WDHD1: variants seen among roughly 807,000 people sequenced by gnomAD.
WDHD1 encodes WD repeat and HMG-box DNA-binding protein 1.
A neutral mutation model predicts 135.4 loss-of-function variants in WDHD1; 111 were observed. The ratio of observed to expected loss-of-function variants is 0.82; its 90% CI spans 0.70 to 0.96. WDHD1 has a LOEUF of 0.96. Among genes scored for constraint, WDHD1 ranks in the 40% least tolerant of loss-of-function variants. The pLI is 0.00. For synonymous variants in WDHD1, 434 were observed against 439.0 expected (o/e 0.99, Z 0.14); for missense variants, 1,351 against 1,336.3 (o/e 1.01, Z -0.17).
intron 10 of WDHD1, among the ~76,000 whole-genome samples, chr14:54,999,051 TAAG>T (rs1371235608): frequency 1.3e-5 from 2 of 152,210 alleles, no homozygotes; most frequent in Non-Finnish European, 2.9e-5. Context: ...TCCCTGGAGT[TAAG>T]AAACTCTCTC....
Position 54,981,633 on chromosome 14 carries a change from G to C in WDHD1, c.1970C>G (p.Thr657Arg), listed in dbSNP as rs772366370. The change falls in exon 16 of 26, where the codon ACG becomes AGG. Residue 657 changes from threonine (T) to arginine (R), a missense_variant. This residue lies in a region of WDHD1 where 1,330 missense variants were observed against 1,296.1 expected (regional missense o/e 1.03). Transcript: ENST00000360586. ...TCTTGTATTACATATAGGAGTCCACGTATTACCAAGTCCTCTGTTAAGCAT... is the reference window on the plus strand; with the variant it reads ...TCTTGTATTACATATAGGAGTCCACCTATTACCAAGTCCTCTGTTAAGCAT... ...VRMLNRGLGN[T>R]WTPICNTREH... The C allele has an allele frequency of 5.0e-6, 8 of 1,610,624 alleles. No individual in the cohort carries two copies. The highest frequency in any genetic ancestry group is 6.8e-6 in the Non-Finnish European group (8 of 1,177,100).
At chr14:55,011,861 T>C (rs933226533) in intron 3 of WDHD1, among the ~76,000 whole-genome samples, 3 of 152,164 alleles carry the variant, frequency 2.0e-5, no homozygotes, top group Admixed American at 6.5e-5. Context: ...AACTTCTCAA[T>C]TGAAAGACCC....
chr14:54,959,924 G>A (rs570289072), intron 21 of WDHD1, among the ~76,000 whole-genome samples: 4 of 152,236 alleles, frequency 2.6e-5, no homozygotes, highest in South Asian at 2.1e-4. Context: ...AGCCCCTTGC[G>A]GTTTGGTGCC....
intron 24 of WDHD1, among the ~76,000 whole-genome samples, chr14:54,950,830 A>C (rs2041037423): frequency 6.6e-6 from 1 of 152,228 alleles, no homozygotes; most frequent in Non-Finnish European, 1.5e-5. Context: ...ACTAGAACTC[A>C]GCATTAGGAA....
At chr14:54,995,091 C>T (rs2041855205) in intron 11 of WDHD1, among the ~76,000 whole-genome samples, 1 of 152,142 alleles carries the variant, frequency 6.6e-6, no homozygotes, top group Admixed American at 6.5e-5. Context: ...AAGTGAGTTT[C>T]CTGCCTCAGT....
chr14:54,991,445 G>A (rs369355154), intron 11 of WDHD1, 45 bp from the exon 12 acceptor site: 1 of 1,558,946 alleles, frequency 6.4e-7, no homozygotes, highest in African/African-American at 1.4e-5. Context: ...GAATACCAAT[G>A]ATTTGGAAAA....
At chr14:54,944,589 C>A in intron 24 of WDHD1, 119 bp from the exon 25 acceptor site, 24 of 735,380 alleles carry the variant, frequency 3.3e-5, no homozygotes, top group African/African-American at 3.8e-5. Flanking sequence ...GTAAGGAAGA[C>A]ACAGTTACAC....
intron 11 of WDHD1, among the ~76,000 whole-genome samples, chr14:54,991,647 C>T (rs1453321401): frequency 6.6e-6 from 1 of 152,146 alleles, no homozygotes; most frequent in African/African-American, 2.4e-5. Flanking sequence ...TTGTTAACCA[C>T]TACTCACTTG....
At chr14:54,952,780 C>T (rs144685967) in intron 24 of WDHD1, among the ~76,000 whole-genome samples, 10 of 152,076 alleles carry the variant, frequency 6.6e-5, no homozygotes, top group Non-Finnish European at 1.5e-4. Flanking sequence ...AACAGAGATA[C>T]AGACCAATGG....
intron 23 of WDHD1, among the ~76,000 whole-genome samples, chr14:54,956,680 C>T (rs1288469335): frequency 6.6e-6 from 1 of 152,092 alleles, no homozygotes; most frequent in African/African-American, 2.4e-5. Context: ...TCTTGGAAGT[C>T]AGAATCTGCT....
chr14:54,944,564 C>A, intron 24 of WDHD1, 94 bp from the exon 25 acceptor site: 24 of 1,032,680 alleles, frequency 2.3e-5, no homozygotes, highest in Middle Eastern at 3.7e-4. Context: ...AAGTCTCTGA[C>A]ATCTATTATA....
intron 11 of WDHD1, among the ~76,000 whole-genome samples, 154 bp downstream of exon 11, chr14:54,995,449 A>C: frequency 6.6e-6 from 1 of 152,132 alleles, no homozygotes; most frequent in Non-Finnish European, 1.5e-5. Context: ...ATAGATTTGA[A>C]ACCTTTTTTA....
chr14:54,955,632 T>C lies in WDHD1; in HGVS notation c.2979A>G (p.Lys993=), dbSNP rs1269107279. The change falls in exon 24 of 26, where the codon AAA becomes AAG. Residue 993 remains lysine, a synonymous_variant. Transcript: ENST00000360586. ...NSQTNKTEEV[K]EENLKNVLSE... ...ATAATACATTTTTAAGATTTTCTTC[T>C]TTCACTTCCTCAGTTTTATTAGTTT... is the stretch of plus-strand genomic sequence containing the variant. 1.3e-6 allele frequency: 2 copies of C among 1,592,740 alleles called. No homozygotes were observed. The highest frequency in any genetic ancestry group is 1.7e-6 in the Non-Finnish European group (2 of 1,172,294).
intron 14 of WDHD1, 83 bp downstream of exon 14, chr14:54,987,063 G>A (rs2041705382): frequency 2.6e-6 from 4 of 1,514,554 alleles, no homozygotes; most frequent in South Asian, 2.5e-5. Flanking sequence ...TATAATCCAA[G>A]ACAAAAAGAG....
rs1360856370 is a variant in WDHD1, at chr14:54,995,564, A to C, written c.1153+39T>G. 3.4e-6 allele frequency: 5 copies of C among 1,460,338 alleles called. 1 individual carries two copies. Among genetic ancestry groups the C allele is most frequent in the Middle Eastern group, 3.6e-4 (2 of 5,554 alleles). 90.5% of individuals were successfully genotyped at this position (1,460,338 alleles called of 1,614,324 possible). A position where few individuals can be genotyped will look rare whatever the true frequency, so the allele number is the denominator to read the frequency against. ...TGTTAATAAAAAATCTAAAATATTA[A>C]TCAACAGGGTAATCACATGCACAAA... On this transcript the variant is annotated intron_variant, in intron 11 of 25. Transcript: ENST00000360586.
In WDHD1 at chr14:55,013,548, G is replaced by A; in HGVS notation, c.126C>T (p.Asp42=). ...GSDGDVRIWE[D]LDDDDPKFIN... ...TGAACTTAGGATCATCATCATCCAA[G>A]TCTTCCCAAATCCTCACATCACCAT... The change falls in exon 3 of 26, where the codon GAC becomes GAT. Residue 42 remains aspartate, a synonymous_variant. Coordinates refer to ENST00000360586, the MANE Select transcript of WDHD1 (RefSeq NM_007086.4). 6.2e-7 allele frequency: 1 copy of A among 1,613,974 alleles called. No individual in the cohort carries two copies. The highest frequency in any genetic ancestry group is 8.5e-7 in the Non-Finnish European group (1 of 1,179,980).
chr14:55,005,450 C>T, intron 7 of WDHD1: 1 of 569,080 alleles, frequency 1.8e-6, no homozygotes, highest in South Asian at 1.4e-5. Flanking sequence ...ACCAGTATTC[C>T]TGGATGATAT....
At chr14:55,015,222 T>C (rs1229335159) in intron 2 of WDHD1, among the ~76,000 whole-genome samples, 1 of 151,734 alleles carries the variant, frequency 6.6e-6, no homozygotes, top group Non-Finnish European at 1.5e-5. Flanking sequence ...CTGAGTCTAC[T>C]AAAAATACAA....
chr14:54,955,784 A>G, intron 23 of WDHD1, 90 bp from the exon 24 acceptor site: 4 of 1,145,378 alleles, frequency 3.5e-6, no homozygotes, highest in Non-Finnish European at 4.5e-6. Flanking sequence ...AGAAACATCT[A>G]TAATTATTGA....
Sources: allele counts gnomAD v4.1 joint callset (sites outside exome capture counted in the v4.1 genomes callset), GRCh38; gene constraint gnomAD v4.1.1; regional missense constraint gnomAD v4.1.1; transcripts MANE v1.5; gene names NCBI Gene and HGNC (gene_info 2026-07-23, HGNC 2026-07-21).